VPS13D: variants seen among roughly 807,000 people sequenced by gnomAD.
VPS13D encodes intermembrane lipid transfer protein VPS13D.
A neutral mutation model predicts 461.9 loss-of-function variants in VPS13D; 187 were observed. The ratio of observed to expected loss-of-function variants is 0.40; its 90% CI spans 0.36 to 0.46. The LOEUF (loss-of-function observed/expected upper bound fraction) is 0.46, where lower values mean the gene tolerates loss of function less well. VPS13D is among the 20% of genes least tolerant of loss of function. The pLI is 0.60. For missense variants in VPS13D, 4,711 were observed against 5,364.9 expected, an observed-to-expected ratio of 0.88 and a Z score of 3.81; for synonymous variants, 1,951 against 1,986.3, an observed-to-expected ratio of 0.98 and a Z score of 0.47.
intron 65 of VPS13D, among the ~76,000 whole-genome samples, chr1:12,429,652 G>T (rs187460864): frequency 6.6e-6 from 1 of 152,228 alleles, no homozygotes; most frequent in Non-Finnish European, 1.5e-5. Context: ...GTAAGCTGGT[G>T]AATAGCCAAA....
At chr1:12,372,013 T>A (rs1644125805) in intron 54 of VPS13D, among the ~76,000 whole-genome samples, 1 of 152,164 alleles carries the variant, frequency 6.6e-6, no homozygotes, top group South Asian at 2.1e-4. Context: ...GGTTCCAATT[T>A]CTCCACATCC....
chr1:12,318,403 A>G lies in VPS13D; in HGVS notation c.7414+66A>G, dbSNP rs150863583. ...ATGTTAGGCTCAATATCTGCCTTAC[A>G]GGATGATTGCTCTTTTGCCTCCCAT... On this transcript the variant is annotated intron_variant, in intron 31 of 69. Transcript: ENST00000620676. 1,352 of 1,542,346 alleles carry G rather than the reference A, an allele frequency of 8.8e-4. 7 individuals carry two copies. The African/African-American group carries it at 0.017, about 19-fold the overall frequency.
At chr1:12,282,537 G>T (rs1457902029) in intron 20 of VPS13D, among the ~76,000 whole-genome samples, 168 bp from the exon 21 acceptor site, 2 of 152,182 alleles carry the variant, frequency 1.3e-5, no homozygotes, top group African/African-American at 4.8e-5. Flanking sequence ...GTGAACAGAA[G>T]TGGGTCATAA....
chr1:12,483,254 G>T (rs1373882824), intron 67 of VPS13D, among the ~76,000 whole-genome samples: 3 of 152,230 alleles, frequency 2.0e-5, no homozygotes, highest in Non-Finnish European at 2.9e-5. Flanking sequence ...GCTGCAGTGT[G>T]CCAGATACTG....
chr1:12,393,349 G>C lies in VPS13D; in HGVS notation c.11635-6832G>C, dbSNP rs559626045. 3.9e-4 allele frequency among the ~76,000 whole-genome samples: 60 copies of C among 152,348 alleles called. No individual in the cohort carries two copies. In the South Asian group the frequency reaches 5.6e-3, roughly 14 times the overall value. On this transcript the variant is annotated intron_variant, in intron 60 of 69. Coordinates refer to ENST00000620676, the MANE Select transcript of VPS13D (RefSeq NM_015378.4). ...ATACCCCTGCGGTTAGGACAGTAAA[G>C]GTATATTGCTAGCTTTGCCAGCTGA...
chr1:12,496,189 C>A (rs1311286864), intron 67 of VPS13D, among the ~76,000 whole-genome samples: 1 of 152,164 alleles, frequency 6.6e-6, no homozygotes, highest in Non-Finnish European at 1.5e-5. Flanking sequence ...TTAGAGAGTA[C>A]AATTAATAGT....
chr1:12,249,444 C>A, intron 6 of VPS13D, 105 bp downstream of exon 6: 1 of 851,438 alleles, frequency 1.2e-6, no homozygotes, highest in Non-Finnish European at 1.8e-6. Context: ...ACATTCTTTT[C>A]CATTGCCTTC....
At chr1:12,455,167 TA>T (rs1267785073) in intron 65 of VPS13D, among the ~76,000 whole-genome samples, 1 of 152,252 alleles carries the variant, frequency 6.6e-6, no homozygotes, top group African/African-American at 2.4e-5. Context: ...CCTAACCTGT[TA>T]ATCTTTCCAT....
intron 35 of VPS13D, among the ~76,000 whole-genome samples, chr1:12,325,245 T>C (rs1414544145): frequency 6.6e-6 from 1 of 151,810 alleles, no homozygotes; most frequent in Non-Finnish European, 1.5e-5. Flanking sequence ...GTGTGCACTT[T>C]CTCTCTTTCT....
chr1:12,262,775 C>T (rs1431686725), intron 13 of VPS13D, among the ~76,000 whole-genome samples: 1 of 151,578 alleles, frequency 6.6e-6, no homozygotes, highest in African/African-American at 2.4e-5. Context: ...ATGATCTTGG[C>T]TCACTGCAAC....
chr1:12,335,753 A>G lies in VPS13D; in HGVS notation c.8477A>G (p.Asp2826Gly), dbSNP rs367619366. ...TCGTGGATGGCAGATTACTGTAAAGATGACAAGGACATAGAGTCAGCTAAA... is the reference window on the plus strand; with the variant it reads ...TCGTGGATGGCAGATTACTGTAAAGGTGACAAGGACATAGAGTCAGCTAAA... ...KESWMADYCK[D>G]DKDIESAKSE... Residue 2826 changes from aspartate to glycine, a missense_variant, in exon 39 of 70, where the codon GAT (aspartate) becomes GGT (glycine). Physicochemically the swap from Asp to Gly is moderately conservative, Grantham distance 94. Coordinates refer to ENST00000620676, the MANE Select transcript of VPS13D (RefSeq NM_015378.4). The G allele has an allele frequency of 1.2e-6, 2 of 1,614,066 alleles. No individual in the cohort carries two copies. The highest frequency in any genetic ancestry group is 2.7e-5 in the African/African-American group (2 of 74,942).
intron 15 of VPS13D, among the ~76,000 whole-genome samples, 187 bp downstream of exon 15, chr1:12,268,107 G>A (rs1458123853): frequency 2.6e-5 from 4 of 151,994 alleles, no homozygotes; most frequent in Admixed American, 2.0e-4. Context: ...GTGCCACCAT[G>A]TCTGGGTAAT....
chr1:12,411,797 G>A (rs541582374), intron 63 of VPS13D, among the ~76,000 whole-genome samples: 1 of 152,284 alleles, frequency 6.6e-6, no homozygotes, highest in South Asian at 2.1e-4. Flanking sequence ...TCAGTCTCAT[G>A]TCCAGCGGAT....
chr1:12,433,972 A>T (rs556878396), intron 65 of VPS13D, among the ~76,000 whole-genome samples: 3,038 of 138,832 alleles, frequency 0.022, 32 homozygotes, highest in Non-Finnish European at 0.03. Context: ...GTGTGTGTGG[A>T]GGAGGAGGAG....
chr1:12,332,096 C>G (rs1382380599), intron 37 of VPS13D, among the ~76,000 whole-genome samples: 5 of 152,166 alleles, frequency 3.3e-5, no homozygotes, highest in Non-Finnish European at 7.3e-5. Context: ...ATAGTACTTG[C>G]TATTAGAACT....
intron 39 of VPS13D, chr1:12,336,079 G>A (rs1643445082): frequency 1.2e-5 from 5 of 413,636 alleles, no homozygotes; most frequent in Middle Eastern, 7.3e-4. Flanking sequence ...CCTAAATCCT[G>A]GTAATAATGC....
At chr1:12,478,737 C>G (rs1286372142) in intron 67 of VPS13D, 1 of 452,112 alleles carries the variant, frequency 2.2e-6, no homozygotes, top group Non-Finnish European at 4.5e-6. Context: ...CTGCCTCCCT[C>G]CCCCCGGCCA....
intron 54 of VPS13D, 66 bp downstream of exon 54, chr1:12,369,768 G>C (rs2101627290): frequency 6.7e-7 from 1 of 1,486,622 alleles, no homozygotes; most frequent in Non-Finnish European, 9.1e-7. Flanking sequence ...GGTTTTAAAT[G>C]TTAAGCAGTT....
At chr1:12,400,362 GC>G in intron 61 of VPS13D, 32 bp downstream of exon 61, 1 of 1,610,560 alleles carries the variant, frequency 6.2e-7, no homozygotes, top group Non-Finnish European at 8.5e-7. Context: ...GTGGGTTGAT[GC>G]CATGCTGGAA....
Sources: allele counts gnomAD v4.1 joint callset (sites outside exome capture counted in the v4.1 genomes callset), GRCh38; gene constraint gnomAD v4.1.1; transcripts MANE v1.5; gene names NCBI Gene and HGNC (gene_info 2026-07-23, HGNC 2026-07-21).